The following MTOR variants were observed in gnomAD, a reference collection of about 807,000 sequenced individuals.
MTOR encodes mechanistic target of rapamycin kinase, also known as serine/threonine-protein kinase mTOR.
MTOR carries 70 observed loss-of-function variants against 319.8 expected under a neutral mutation model. The observed-to-expected ratio is 0.22, with a 90% confidence interval of 0.18 to 0.27. The LOEUF is 0.27. Ranked by LOEUF, MTOR falls within the 10% of genes least tolerant of loss-of-function variation. MTOR has a pLI of 1.00. For synonymous variants in MTOR, 1,183 were observed against 1,211.4 expected, an observed-to-expected ratio of 0.98 and a Z score of 0.49; for missense variants, 1,890 against 3,274.4, an observed-to-expected ratio of 0.58 and a Z score of 10.32.
Position 11,259,376 on chromosome 1 carries a change from C to T in MTOR, c.34G>A (p.Ala12Thr), listed in dbSNP as rs527289325. The change falls in exon 2 of 58, where the codon GCT becomes ACT. Residue 12 changes from alanine (A) to threonine (T), a missense_variant. This residue lies in a region of MTOR where 85 missense variants were observed against 105.8 expected (regional missense o/e 0.80). Coordinates refer to ENST00000361445, the MANE Select transcript of MTOR (RefSeq NM_004958.4). ...LGTGPAAATTAATTSSNVSVL... is the reference protein window; with the variant it reads ...LGTGPAAATTTATTSSNVSVL... ...CTCACATTGCTAGATGTGGTGGCAG[C>T]GGTGGTGGCGGCGGCAGGTCCGGTT... 21 of 1,593,290 alleles carry T rather than the reference C, an allele frequency of 1.3e-5. No homozygotes were observed. Among genetic ancestry groups the T allele is most frequent in the African/African-American group, 2.7e-5 (2 of 73,544 alleles).
At position 11,117,212 on chromosome 1, in the gene MTOR, A is replaced by G. The variant is rs1450731736; in HGVS notation, c.6934-126T>C. 20 of 742,306 alleles carry G rather than the reference A, an allele frequency of 2.7e-5. No individual in the cohort carries two copies. In the East Asian group the frequency reaches 4.6e-4, roughly 17 times the overall value. 46.0% of individuals were successfully genotyped at this position (742,306 alleles called of 1,614,324 possible). ...GTCTCGCTCTGTCGCCCAGGCTGGA[A>G]GGCAGTGGTGCTATCTTGGCTCACT... On this transcript the variant is annotated intron_variant, in intron 49 of 57. Transcript: ENST00000361445.
rs1473745650 is a variant in MTOR at position 11,121,406 on chromosome 1, T to C, written c.6811-38A>G. The C allele has an allele frequency of 1.2e-6, 2 of 1,611,382 alleles. No individual in the cohort carries two copies. The highest frequency in any genetic ancestry group is 2.7e-5 in the African/African-American group (2 of 74,914). On this transcript the variant is annotated intron_variant, in intron 48 of 57. Transcript: ENST00000361445. This position sits in a 1 kb window ranked among gnomAD's most constrained non-coding sequence, Gnocchi z 4.9. ...ACAACTGTTCAGTAAGAGAGCAGCC[T>C]AAGACATGTAGTTTGGGTCCAGGAA...
intron 28 of MTOR, chr1:11,192,185 A>G (rs1189121804): frequency 2.0e-6 from 2 of 984,676 alleles, no homozygotes; most frequent in East Asian, 2.4e-5. Context: ...ATCCCAGGGT[A>G]GAAATAAAGG....
At chr1:11,223,516 G>A (rs1646735319) in intron 19 of MTOR, among the ~76,000 whole-genome samples, 1 of 152,116 alleles carries the variant, frequency 6.6e-6, no homozygotes, top group African/African-American at 2.4e-5. Context: ...TTGACAAAAT[G>A]CTAGTAATTA....
chr1:11,158,724 GAAA>G (rs373517353), intron 29 of MTOR, among the ~76,000 whole-genome samples: 1 of 145,758 alleles, frequency 6.9e-6, no homozygotes, highest in African/African-American at 2.5e-5. Context: ...GGGTGGAAAA[GAAA>G]AAAAAAAGAG....
intron 26 of MTOR, among the ~76,000 whole-genome samples, chr1:11,202,503 G>A (rs1324550514): frequency 6.6e-6 from 1 of 150,690 alleles, no homozygotes; most frequent in Non-Finnish European, 1.5e-5. Flanking sequence ...TTACCTGATA[G>A]GTACGATGTA....
intron 28 of MTOR, chr1:11,195,027 G>A: frequency 6.2e-7 from 1 of 1,613,122 alleles, no homozygotes; most frequent in Non-Finnish European, 8.5e-7. Flanking sequence ...GCCTTAAAAG[G>A]AGGCTGCCGT....
At chr1:11,244,578 C>T (rs1648568012) in intron 8 of MTOR, among the ~76,000 whole-genome samples, 1 of 152,150 alleles carries the variant, frequency 6.6e-6, no homozygotes, top group Non-Finnish European at 1.5e-5. Flanking sequence ...TTGCAGTGAG[C>T]CAAGATCGTG....
chr1:11,236,941 A>C (rs1441887313), intron 13 of MTOR, among the ~76,000 whole-genome samples: 2 of 152,250 alleles, frequency 1.3e-5, no homozygotes, highest in Admixed American at 6.5e-5. Flanking sequence ...ACATAAGTAC[A>C]ACTTCCTAAT....
intron 46 of MTOR, 33 bp from the exon 47 acceptor site, chr1:11,124,666 T>C (rs971985512): frequency 3.2e-6 from 5 of 1,586,276 alleles, no homozygotes; most frequent in Non-Finnish European, 4.3e-6. Flanking sequence ...TGAGTGTACA[T>C]CAGAGGTCCT....
intron 49 of MTOR, among the ~76,000 whole-genome samples, chr1:11,119,206 G>T (rs1024995911): frequency 1.3e-5 from 2 of 151,966 alleles, no homozygotes; most frequent in Non-Finnish European, 2.9e-5. Flanking sequence ...TGAGAAGGGC[G>T]GATAACTCGA....
chr1:11,136,060 G>A (rs979649348), intron 36 of MTOR, among the ~76,000 whole-genome samples: 1 of 151,732 alleles, frequency 6.6e-6, no homozygotes, highest in Non-Finnish European at 1.5e-5. Context: ...GCTTGAACCT[G>A]GAGGCAGAGG....
intron 19 of MTOR, among the ~76,000 whole-genome samples, chr1:11,220,298 C>T (rs1046755709): frequency 2.8e-4 from 43 of 152,138 alleles, no homozygotes; most frequent in South Asian, 2.7e-3. Flanking sequence ...GATTTCTCAA[C>T]GGCAACAAAA....
In MTOR at chr1:11,212,697, C is replaced by CA. The variant is rs954253685; in HGVS notation, c.3398+98dup. 1.8e-4 allele frequency: 213 copies of CA among 1,210,234 alleles called. No homozygotes were observed. The highest frequency in any genetic ancestry group is 1.2e-3 in the African/African-American group (80 of 65,472). 75.0% of individuals were successfully genotyped at this position (1,210,234 alleles called of 1,614,324 possible). A position where few individuals can be genotyped will look rare whatever the true frequency, so the allele number is the denominator to read the frequency against. On this transcript the variant is annotated intron_variant, in intron 22 of 57. Coordinates refer to ENST00000361445, the MANE Select transcript of MTOR (RefSeq NM_004958.4). This position sits in a 1 kb window ranked among gnomAD's most constrained non-coding sequence, Gnocchi z 4.1. ...ACTAAAATAATGTGAGTTGAAATAA[C>CA]AAAAAAAATAGAAAGATGGCCTGGG... is the stretch of plus-strand genomic sequence containing the variant.
chr1:11,209,201 GA>G, intron 25 of MTOR, 110 bp downstream of exon 25: 1 of 1,358,160 alleles, frequency 7.4e-7, no homozygotes, highest in Admixed American at 2.2e-5. Flanking sequence ...TAGATTTCTG[GA>G]AAAAACACCT....
intron 5 of MTOR, among the ~76,000 whole-genome samples, chr1:11,254,910 G>T (rs1027927495): frequency 6.6e-5 from 10 of 151,896 alleles, no homozygotes; most frequent in African/African-American, 2.4e-4. Context: ...GACCACAGGC[G>T]TGTAACACCA....
At chr1:11,236,556 G>A in intron 13 of MTOR, among the ~76,000 whole-genome samples, 1 of 148,972 alleles carries the variant, frequency 6.7e-6, no homozygotes, top group South Asian at 2.1e-4. Flanking sequence ...TCGCCAGGCT[G>A]GAGTGCAGTG....
At chr1:11,151,606 T>C (rs982040507) in intron 30 of MTOR, among the ~76,000 whole-genome samples, 12 of 152,222 alleles carry the variant, frequency 7.9e-5, no homozygotes, top group African/African-American at 2.7e-4. Context: ...AGAATGTGCA[T>C]TTGTAACAAG....
chr1:11,225,667 C>T (rs1301099490), intron 19 of MTOR, among the ~76,000 whole-genome samples: 1 of 152,134 alleles, frequency 6.6e-6, no homozygotes, highest in Non-Finnish European at 1.5e-5. Flanking sequence ...GATGATCCAC[C>T]CGCCTTGGCC....
Sources: allele counts gnomAD v4.1 joint callset (sites outside exome capture counted in the v4.1 genomes callset), GRCh38; gene constraint gnomAD v4.1.1; regional missense constraint gnomAD v4.1.1; non-coding constraint Gnocchi (gnomAD v3.1); transcripts MANE v1.5; gene names NCBI Gene and HGNC (gene_info 2026-07-23, HGNC 2026-07-21).